The following CELF2 variants were observed in gnomAD, a reference collection of about 807,000 sequenced individuals.
CELF2 encodes CUGBP Elav-like family member 2, also known as CUG triplet repeat RNA-binding protein 2.
In CELF2, 8 loss-of-function variants were observed where a neutral mutation model predicts 62.6. The ratio of observed to expected loss-of-function variants is 0.13; its 90% CI spans 0.07 to 0.23. The LOEUF (loss-of-function observed/expected upper bound fraction) is 0.23. Ranked by LOEUF, CELF2 falls within the 10% of genes least tolerant of loss-of-function variation. The pLI, the probability that CELF2 is intolerant of heterozygous loss-of-function variation, is 1.00. For missense variants in CELF2, 333 were observed against 671.0 expected (o/e 0.50, Z 5.56); for synonymous variants, 258 against 250.0 (o/e 1.03, Z -0.30).
chr10:11,050,700 A>G (rs2063758458), intron 1 of CELF2, among the ~76,000 whole-genome samples: 1 of 152,186 alleles, frequency 6.6e-6, no homozygotes, highest in African/African-American at 2.4e-5. Flanking sequence ...ATGATCGTGC[A>G]GCCTCCTGTC....
chr10:11,270,926 A>T lies in CELF2; in HGVS notation c.777+102A>T, dbSNP rs1256041233. On this transcript the variant is annotated intron_variant, in intron 7 of 12. Transcript: ENST00000633077. The surrounding 1 kb of genome is among the most constrained non-coding windows in gnomAD (Gnocchi z 5.8). ...GGCATTTGTTTTCAGTACATTTTCA[A>T]TCTCGGGGAATTATTGAAATCAGCA... is the stretch of plus-strand genomic sequence containing the variant. 2 of 1,090,630 alleles carry T rather than the reference A, an allele frequency of 1.8e-6. No individual in the cohort carries two copies. The highest frequency in any genetic ancestry group is 2.4e-6 in the Non-Finnish European group (2 of 822,040). The allele number at this position is 1,090,630 out of a possible 1,614,324, so 67.6% of individuals were successfully genotyped here. A position where few individuals can be genotyped will look rare whatever the true frequency, so the allele number is the denominator to read the frequency against.
chr10:11,187,282 A>T (rs182563057), intron 2 of CELF2, among the ~76,000 whole-genome samples: 1 of 152,134 alleles, frequency 6.6e-6, no homozygotes. Context: ...TGGTTTTGAA[A>T]TGACCTTTAT....
chr10:10,679,271 A>G, the CELF2 span, among the ~76,000 whole-genome samples: 1 of 152,086 alleles, frequency 6.6e-6, no homozygotes, highest in Admixed American at 6.5e-5. Context: ...CTAAGGACAA[A>G]ATGGTAATCT....
rs911655646 is a variant in CELF2 at position 11,207,308 on chromosome 10, G to A, written c.272-10117G>A. On this transcript the variant is annotated intron_variant, in intron 2 of 12. Coordinates refer to ENST00000633077, the MANE Select transcript of CELF2 (RefSeq NM_001326342.2). This position sits in a 1 kb window ranked among gnomAD's most constrained non-coding sequence, Gnocchi z 4.1. Reference sequence around the variant, plus strand: ...AAACAGGGAGCTTGCTAGTCTTCACGGGGTCATGGAAATAACAGAAGATGG... The same window carrying A: ...AAACAGGGAGCTTGCTAGTCTTCACAGGGTCATGGAAATAACAGAAGATGG... Among the ~76,000 whole-genome samples, 4 of 152,144 alleles carry A rather than the reference G, an allele frequency of 2.6e-5. No homozygotes were observed. Among genetic ancestry groups the A allele is most frequent in the Non-Finnish European group, 4.4e-5 (3 of 68,046 alleles).
the CELF2 span, among the ~76,000 whole-genome samples, chr10:10,475,972 C>T: frequency 1.4e-4 from 22 of 152,120 alleles, no homozygotes; most frequent in African/African-American, 4.6e-4. Flanking sequence ...GTCACTTGGG[C>T]ACCTGGTTCT....
At chr10:10,675,254 G>T in the CELF2 span, among the ~76,000 whole-genome samples, 2 of 152,066 alleles carry the variant, frequency 1.3e-5, no homozygotes, top group East Asian at 3.8e-4. Flanking sequence ...ACTTCACAGG[G>T]TATAGGAGTC....
chr10:10,804,926 A>T (rs189799951), intron 1 of CELF2, among the ~76,000 whole-genome samples: 9 of 152,142 alleles, frequency 5.9e-5, no homozygotes, highest in Non-Finnish European at 2.9e-5. Context: ...CCTTCGGTTC[A>T]TGTCACATGA....
the CELF2 span, among the ~76,000 whole-genome samples, chr10:10,676,982 C>G: frequency 1.3e-5 from 2 of 152,128 alleles, no homozygotes; most frequent in Admixed American, 1.3e-4. Flanking sequence ...AAATACTTAA[C>G]CTTTAATTGC....
At chr10:10,747,901 G>A in the CELF2 span, among the ~76,000 whole-genome samples, 1 of 152,014 alleles carries the variant, frequency 6.6e-6, no homozygotes, top group African/African-American at 2.4e-5. Context: ...TAGTAGAGAT[G>A]GGGTTTCACC....
the CELF2 span, among the ~76,000 whole-genome samples, chr10:10,518,646 T>C: frequency 6.6e-6 from 1 of 152,332 alleles, no homozygotes; most frequent in African/African-American, 2.4e-5. Flanking sequence ...AAGAAGCTAA[T>C]GTTCTCAGCT....
chr10:11,091,895 C>G (rs989268883), intron 1 of CELF2, among the ~76,000 whole-genome samples: 1 of 152,188 alleles, frequency 6.6e-6, no homozygotes, highest in Non-Finnish European at 1.5e-5. Flanking sequence ...AAGACGGTAA[C>G]GTTGGCTTAA....
chr10:10,733,065 A>T, the CELF2 span, among the ~76,000 whole-genome samples: 3 of 152,314 alleles, frequency 2.0e-5, no homozygotes, highest in South Asian at 2.1e-4. Flanking sequence ...ACCATATTTT[A>T]AAAAATAACA....
At chr10:10,922,557 T>C (rs1323898040) in intron 2 of CELF2, 2 of 152,214 alleles carry the variant, frequency 1.3e-5, no homozygotes, top group Non-Finnish European at 2.9e-5. Context: ...AGTAGCGCTG[T>C]ATTTTGAATA....
chr10:11,077,975 A>C (rs2072615289), intron 1 of CELF2, among the ~76,000 whole-genome samples: 1 of 152,174 alleles, frequency 6.6e-6, no homozygotes, highest in Non-Finnish European at 1.5e-5. Context: ...CCTTGAGAAA[A>C]GCATACCAAA....
chr10:11,166,595 C>A (rs1565039899), intron 2 of CELF2, among the ~76,000 whole-genome samples: 1 of 152,210 alleles, frequency 6.6e-6, no homozygotes. Context: ...CTCAGTCTCT[C>A]TACTGAGGAG....
chr10:11,084,234 TATG>T (rs113111511), intron 1 of CELF2, among the ~76,000 whole-genome samples: 7 of 152,274 alleles, frequency 4.6e-5, no homozygotes, highest in African/African-American at 1.7e-4. Flanking sequence ...GTCTGCCAGA[TATG>T]GTGGTGGAAA....
chr10:10,565,592 T>C, the CELF2 span, among the ~76,000 whole-genome samples: 1 of 152,318 alleles, frequency 6.6e-6, no homozygotes, highest in East Asian at 1.9e-4. Flanking sequence ...AAGGCCACCA[T>C]GAGAAGACTC....
intron 1 of CELF2, among the ~76,000 whole-genome samples, chr10:11,042,377 G>A (rs2061991896): frequency 6.6e-6 from 1 of 152,186 alleles, no homozygotes; most frequent in Non-Finnish European, 1.5e-5. Context: ...GGTTATTGCT[G>A]CATACAGATG....
At chr10:10,900,234 C>T (rs1250342511) in intron 1 of CELF2, among the ~76,000 whole-genome samples, 1 of 152,146 alleles carries the variant, frequency 6.6e-6, no homozygotes, top group African/African-American at 2.4e-5. Context: ...TTCTATGAGA[C>T]AAGCATCACC....
Sources: gnomAD v4.1 joint callset for allele counts (sites outside exome capture counted in the v4.1 genomes callset) on GRCh38, gnomAD v4.1.1 for gene constraint, Gnocchi (gnomAD v3.1) non-coding constraint, MANE v1.5 for transcripts, NCBI Gene and HGNC (gene_info 2026-07-23, HGNC 2026-07-21) for gene names.